Variants in MTUS2 observed in about 807,000 individuals in gnomAD.
The protein encoded by MTUS2 is microtubule associated scaffold protein 2.
MTUS2 carries 40 observed loss-of-function variants against 114.1 expected under a neutral mutation model. The observed-to-expected ratio is 0.35, with a 90% CI of 0.27 to 0.46. MTUS2 has a LOEUF of 0.46. MTUS2 is among the 20% of genes least tolerant of loss of function. MTUS2 has a pLI of 1.00. For missense variants in MTUS2, 1,679 were observed against 1,705.4 expected (o/e 0.98, Z 0.27); for synonymous variants, 688 against 672.0 (o/e 1.02, Z -0.37).
chr13:29,326,445 C>A (rs189121175), intron 7 of MTUS2, among the ~76,000 whole-genome samples: 1 of 151,806 alleles, frequency 6.6e-6, no homozygotes, highest in African/African-American at 2.4e-5. Flanking sequence ...GTTAAAATAT[C>A]TGTTAAAATT....
chr13:29,327,101 G>GT (rs1423410756), intron 7 of MTUS2, among the ~76,000 whole-genome samples: 10 of 151,896 alleles, frequency 6.6e-5, no homozygotes, highest in Non-Finnish European at 1.5e-4. Context: ...GCTTTAGATC[G>GT]TTTCCAAAGT....
At chr13:29,318,947 G>A (rs1307202991) in intron 6 of MTUS2, among the ~76,000 whole-genome samples, 1 of 152,056 alleles carries the variant, frequency 6.6e-6, no homozygotes, top group Admixed American at 6.5e-5. Context: ...TAAACTTAAG[G>A]GCTTCTCTTC....
intron 5 of MTUS2, among the ~76,000 whole-genome samples, chr13:29,254,778 C>T (rs143525453): frequency 6.6e-6 from 1 of 152,324 alleles, no homozygotes; most frequent in East Asian, 1.9e-4. Flanking sequence ...AAAACACTGC[C>T]AGCTCTGATT....
chr13:29,220,067 C>G (rs565439281), intron 5 of MTUS2, among the ~76,000 whole-genome samples: 1 of 151,886 alleles, frequency 6.6e-6, no homozygotes, highest in East Asian at 1.9e-4. Context: ...ACAATCTCTG[C>G]TCACTGCAAC....
At position 29,447,448 on chromosome 13, in the gene MTUS2, ATTGGT is replaced by A. The variant is rs147217534; in HGVS notation, c.3184+7403_3184+7407del. Among the ~76,000 whole-genome samples the A allele has an allele frequency of 2.6e-3, 397 of 152,012 alleles. 2 individuals carry two copies. Among genetic ancestry groups the A allele is most frequent in the African/African-American group, 9.3e-3 (384 of 41,464 alleles). On this transcript the variant is annotated intron_variant, in intron 9 of 15. Transcript: ENST00000612955. ...ATTTGAGCTGATTCATCTGTAGCTG[ATTGGT>A]TTGATTTCATTGAATCATGCTTATA...
At chr13:29,167,945 G>A (rs1893387800) in intron 5 of MTUS2, among the ~76,000 whole-genome samples, 1 of 152,140 alleles carries the variant, frequency 6.6e-6, no homozygotes, top group Non-Finnish European at 1.5e-5. Context: ...CAAGAGGAAA[G>A]CAAAACCAAT....
chr13:29,024,802 C>G lies in MTUS2; in HGVS notation c.104C>G (p.Thr35Arg), dbSNP rs548916506. 1.2e-6 allele frequency: 2 copies of G among 1,613,944 alleles called. No individual in the cohort carries two copies. The highest frequency in any genetic ancestry group is 1.1e-5 in the South Asian group (1 of 91,078). Reference sequence around the variant, plus strand: ...GAAAGCATCTTAAGTCTGGGAGATACGAATGCCAATCAAATCATGTTGGAG... The same window carrying G: ...GAAAGCATCTTAAGTCTGGGAGATAGGAATGCCAATCAAATCATGTTGGAG... ...NNESILSLGDTNANQIMLEVS... is the reference protein window; with the variant it reads ...NNESILSLGDRNANQIMLEVS... The change falls in exon 3 of 16, where the codon ACG (threonine) becomes AGG (arginine). Residue 35 changes from threonine (T) to arginine (R), a missense_variant. By Grantham distance (71) the Thr-to-Arg change is moderately conservative (BLOSUM62 -1). Coordinates refer to ENST00000612955, the MANE Select transcript of MTUS2 (RefSeq NM_001033602.4).
intron 5 of MTUS2, among the ~76,000 whole-genome samples, chr13:29,259,305 A>T (rs780955196): frequency 2.6e-5 from 4 of 152,156 alleles, no homozygotes; most frequent in Non-Finnish European, 4.4e-5. Context: ...AGCAGGAGAT[A>T]TGCCTTTATT....
chr13:29,492,561 C>A, intron 11 of MTUS2, 85 bp from the exon 12 acceptor site: 2 of 1,046,246 alleles, frequency 1.9e-6, no homozygotes, highest in South Asian at 1.4e-5. Context: ...TACCTGAAGT[C>A]ACAGGTCTTA....
intron 2 of MTUS2, among the ~76,000 whole-genome samples, chr13:28,900,733 A>G (rs1047893271): frequency 3.3e-5 from 5 of 152,218 alleles, no homozygotes; most frequent in African/African-American, 1.2e-4. Context: ...ACGAACATAC[A>G]TTGTATTAGT....
chr13:29,383,936 C>A (rs1267322198), intron 8 of MTUS2, among the ~76,000 whole-genome samples: 1 of 149,478 alleles, frequency 6.7e-6, no homozygotes, highest in Non-Finnish European at 1.5e-5. Flanking sequence ...ACTTACTCAG[C>A]AAAACATATA....
chr13:28,858,863 G>A (rs902924360), intron 2 of MTUS2, among the ~76,000 whole-genome samples: 46 of 152,290 alleles, frequency 3.0e-4, no homozygotes, highest in African/African-American at 1.1e-3. Flanking sequence ...TTTGCCAGAT[G>A]AGGAAACGGG....
At chr13:29,148,713 C>T (rs1301126920) in intron 5 of MTUS2, among the ~76,000 whole-genome samples, 2 of 66,268 alleles carry the variant, frequency 3.0e-5, no homozygotes, top group African/African-American at 6.5e-5. Context: ...CTCCTGACCT[C>T]GTGATCCGCC....
At chr13:29,498,909 C>T (rs1336005816) in intron 14 of MTUS2, among the ~76,000 whole-genome samples, 2 of 152,228 alleles carry the variant, frequency 1.3e-5, no homozygotes, top group Non-Finnish European at 2.9e-5. Context: ...CTAACTCCTA[C>T]GGCTGCCTGT....
chr13:29,101,180 A>T (rs938968705), intron 5 of MTUS2, among the ~76,000 whole-genome samples: 5 of 152,078 alleles, frequency 3.3e-5, no homozygotes, highest in Non-Finnish European at 5.9e-5. Flanking sequence ...AAAAGATTGT[A>T]ACCACCTCTT....
intron 7 of MTUS2, among the ~76,000 whole-genome samples, chr13:29,331,995 A>T (rs1000079218): frequency 5.3e-5 from 8 of 152,164 alleles, no homozygotes; most frequent in African/African-American, 1.9e-4. Context: ...GTTAATGTTC[A>T]TCAGGGATAT....
chr13:29,382,360 G>C (rs572724468), intron 8 of MTUS2, among the ~76,000 whole-genome samples: 2 of 152,176 alleles, frequency 1.3e-5, no homozygotes, highest in Non-Finnish European at 2.9e-5. Context: ...TAGTCCACAT[G>C]GGGGAGGGTG....
intron 4 of MTUS2, among the ~76,000 whole-genome samples, chr13:29,069,748 G>T (rs1245930005): frequency 6.6e-6 from 1 of 152,204 alleles, no homozygotes; most frequent in Non-Finnish European, 1.5e-5. Flanking sequence ...AAGAGATTTA[G>T]CTGAAGCGTA....
chr13:28,961,597 G>C (rs1883331285), intron 2 of MTUS2, among the ~76,000 whole-genome samples: 1 of 152,036 alleles, frequency 6.6e-6, no homozygotes, highest in Admixed American at 6.6e-5. Context: ...TTTAATTATT[G>C]ATAAATTGGG....
Sources: allele counts gnomAD v4.1 joint callset (sites outside exome capture counted in the v4.1 genomes callset), GRCh38; gene constraint gnomAD v4.1.1; transcripts MANE v1.5; gene names NCBI Gene and HGNC (gene_info 2026-07-23, HGNC 2026-07-21).